Variants in PIGK observed in about 807,000 individuals in gnomAD.
PIGK encodes GPI-anchor transamidase.
PIGK carries 42 observed loss-of-function variants against 50.6 expected under a neutral mutation model. The observed-to-expected ratio is 0.83, with a 90% CI of 0.65 to 1.07. The LOEUF (loss-of-function observed/expected upper bound fraction) is 1.07. Ranked by LOEUF, PIGK falls within the 50% of genes least tolerant of loss-of-function variation. The probability of loss-of-function intolerance (pLI) is 0.00; values close to 1 mark genes in which losing one functional copy is unlikely to be tolerated. For synonymous variants in PIGK, 151 were observed against 156.0 expected (o/e 0.97, Z 0.24); for missense variants, 448 against 488.7 (o/e 0.92, Z 0.78).
chr1:77,123,560 T>C (rs778527916), intron 9 of PIGK, among the ~76,000 whole-genome samples: 7 of 151,010 alleles, frequency 4.6e-5, no homozygotes, highest in Non-Finnish European at 8.9e-5. Context: ...TCACTAATGA[T>C]GGAAAAAAAA....
At chr1:77,176,998 C>A (rs577575693) in intron 3 of PIGK, among the ~76,000 whole-genome samples, 1 of 152,302 alleles carries the variant, frequency 6.6e-6, no homozygotes, top group South Asian at 2.1e-4. Context: ...GGAAAACAAT[C>A]AAAGCTTCAG....
At chr1:77,164,465 A>G (rs532983072) in intron 5 of PIGK, among the ~76,000 whole-genome samples, 1 of 152,182 alleles carries the variant, frequency 6.6e-6, no homozygotes, top group East Asian at 1.9e-4. Context: ...TGAGAAATGT[A>G]TCTGCAACAC....
chr1:77,195,318 G>C, intron 3 of PIGK: 1 of 1,335,418 alleles, frequency 7.5e-7, no homozygotes, highest in East Asian at 2.4e-5. Context: ...GCTGTTTTCA[G>C]GGCAAGACCA....
intron 3 of PIGK, among the ~76,000 whole-genome samples, chr1:77,188,152 T>C (rs921202558): frequency 1.3e-5 from 2 of 152,154 alleles, no homozygotes; most frequent in Non-Finnish European, 2.9e-5. Context: ...TAACAGCAAT[T>C]GTTCAGGGAA....
intron 3 of PIGK, among the ~76,000 whole-genome samples, chr1:77,180,654 TA>T (rs1655589798): frequency 7.1e-6 from 1 of 140,428 alleles, no homozygotes. Context: ...TCAATCAACA[TA>T]TGTAAGATCA....
chr1:77,154,735 G>T (rs938772369), intron 8 of PIGK, 114 bp from the exon 9 acceptor site: 12 of 697,340 alleles, frequency 1.7e-5, no homozygotes, highest in East Asian at 2.8e-5. Context: ...CCAACCTAAA[G>T]AAGCTATGTG....
chr1:77,163,791 C>A, intron 6 of PIGK, 55 bp downstream of exon 6: 5 of 893,414 alleles, frequency 5.6e-6, no homozygotes, highest in South Asian at 1.6e-5. Context: ...ATCTACGAAC[C>A]ATGTGAAAAT....
intron 10 of PIGK, among the ~76,000 whole-genome samples, chr1:77,096,881 C>CTTTTTTTTTTTTTTTTTTTTTTTTTTTT (rs141858558): frequency 1.9e-4 from 23 of 124,268 alleles, no homozygotes; most frequent in African/African-American, 2.8e-4. Flanking sequence ...TCGGGTTTTT[C>CTTTTTTTTTTTTTTTTTTTTTTTTTTTT]TTTTTTTTTT....
At position 77,105,975 on chromosome 1, in the gene PIGK, A is replaced by G. The variant is rs1333396823; in HGVS notation, c.1072-13485T>C. Among the ~76,000 whole-genome samples the G allele has an allele frequency of 2.6e-5, 4 of 152,366 alleles. No homozygotes were observed. In the East Asian group the frequency reaches 7.7e-4, roughly 29 times the overall value. On this transcript the variant is annotated intron_variant, in intron 10 of 10. Transcript: ENST00000370812. ...TCTTTAAAGTGCTGAAAGAAAAACT[A>G]AAAATCTTAATCTTGAATTATACGG...
chr1:77,162,367 A>T (rs1420770194), intron 6 of PIGK, among the ~76,000 whole-genome samples: 1 of 152,214 alleles, frequency 6.6e-6, no homozygotes, highest in African/African-American at 2.4e-5. Flanking sequence ...ATGACATTCC[A>T]GCAGAGAGAA....
intron 9 of PIGK, among the ~76,000 whole-genome samples, chr1:77,138,275 T>A (rs1654567542): frequency 6.6e-6 from 1 of 152,170 alleles, no homozygotes; most frequent in East Asian, 1.9e-4. Context: ...ACCATGCCCT[T>A]CCTAAAGTTA....
At chr1:77,138,877 C>A (rs1328519551) in intron 9 of PIGK, among the ~76,000 whole-genome samples, 2 of 151,822 alleles carry the variant, frequency 1.3e-5, no homozygotes, top group Admixed American at 6.6e-5. Flanking sequence ...TTTCTTGGGC[C>A]AAGAAGGTTA....
chr1:77,111,039 A>C (rs1426606067), intron 10 of PIGK, among the ~76,000 whole-genome samples: 1 of 152,180 alleles, frequency 6.6e-6, no homozygotes, highest in Non-Finnish European at 1.5e-5. Flanking sequence ...GAGAAATGCA[A>C]ATCAAAACCA....
intron 10 of PIGK, among the ~76,000 whole-genome samples, chr1:77,119,271 G>T (rs983445567): frequency 3.3e-5 from 5 of 152,116 alleles, no homozygotes; most frequent in Non-Finnish European, 5.9e-5. Context: ...TCATCATGTT[G>T]TTTATTTGGT....
At chr1:77,196,291 TGA>T (rs1480394209) in intron 3 of PIGK, among the ~76,000 whole-genome samples, 13 of 151,492 alleles carry the variant, frequency 8.6e-5, no homozygotes, top group South Asian at 8.3e-4. Context: ...AATGAAAATA[TGA>T]GTGCATGTGT....
intron 10 of PIGK, among the ~76,000 whole-genome samples, chr1:77,106,224 A>G (rs777389171): frequency 2.0e-5 from 3 of 152,118 alleles, no homozygotes; most frequent in Non-Finnish European, 2.9e-5. Context: ...TTTAGGCAGA[A>G]TTTCTTTAAC....
At chr1:77,152,630 A>G (rs1036014787) in intron 9 of PIGK, among the ~76,000 whole-genome samples, 3 of 152,096 alleles carry the variant, frequency 2.0e-5, no homozygotes, top group African/African-American at 4.8e-5. Flanking sequence ...ACCAGAAAAT[A>G]TAAGGAATTT....
chr1:77,195,338 G>C, intron 3 of PIGK: 2 of 1,294,688 alleles, frequency 1.5e-6, no homozygotes, highest in Non-Finnish European at 2.2e-6. Flanking sequence ...ACCAAGTTGA[G>C]CCAGCGGGCG....
At chr1:77,170,908 C>G (rs1016926047) in intron 3 of PIGK, among the ~76,000 whole-genome samples, 3 of 152,126 alleles carry the variant, frequency 2.0e-5, no homozygotes, top group African/African-American at 7.2e-5. Context: ...CATTATTTTT[C>G]TTGAAAATTG....
Sources: gnomAD v4.1 joint callset for allele counts (sites outside exome capture counted in the v4.1 genomes callset) on GRCh38, gnomAD v4.1.1 for gene constraint, MANE v1.5 for transcripts, NCBI Gene and HGNC (gene_info 2026-07-23, HGNC 2026-07-21) for gene names.